The following DRICH1 variants were observed in gnomAD, a reference collection of about 807,000 sequenced individuals.
DRICH1 encodes the protein aspartate-rich protein 1.
Under a neutral mutation model 39.5 loss-of-function variants are expected in DRICH1, and 38 were observed. The observed-to-expected ratio is 0.96, with a 90% confidence interval of 0.74 to 1.26. The LOEUF is 1.26. DRICH1 is among the 50% of genes most tolerant of loss of function. The pLI, the probability that DRICH1 is intolerant of heterozygous loss-of-function variation, is 0.00. For synonymous variants in DRICH1, 84 were observed against 99.5 expected, an observed-to-expected ratio of 0.84 and a Z score of 0.93; for missense variants, 279 against 270.4, an observed-to-expected ratio of 1.03 and a Z score of -0.22.
the DRICH1 span, among the ~76,000 whole-genome samples, chr22:23,601,368 C>T: frequency 2.0e-5 from 3 of 152,184 alleles, no homozygotes; most frequent in Non-Finnish European, 4.4e-5. Context: ...GACTCCTAGT[C>T]AGCATTAAAA....
At chr22:23,619,330 C>T in intron 6 of DRICH1, 34 bp downstream of exon 6, 1 of 780,374 alleles carries the variant, frequency 1.3e-6, no homozygotes, top group South Asian at 1.3e-5. Flanking sequence ...GCATGACTAA[C>T]ACACAATACT....
chr22:23,610,817 CT>C lies in DRICH1; in HGVS notation c.686-2050del, dbSNP rs564389276. On this transcript the variant is annotated intron_variant, in intron 11 of 11. Coordinates refer to ENST00000317749, the MANE Select transcript of DRICH1 (RefSeq NM_016449.4). ...TTTCCTATCACTGTCTAAAAGCACT[CT>C]TTTTTTTTTTTACATAGTAAGACCC... 1.4e-3 allele frequency among the ~76,000 whole-genome samples: 199 copies of C among 142,752 alleles called. 1 individual carries two copies. Among genetic ancestry groups the C allele is most frequent in the Admixed American group, 1.1e-3 (16 of 14,224 alleles). The allele number at this position is 142,752 out of a possible 152,430, so 93.7% of individuals were successfully genotyped here. A position where few individuals can be genotyped will look rare whatever the true frequency, so the allele number is the denominator to read the frequency against.
At chr22:23,582,580 T>TTATTATTATTATTATTAC in the DRICH1 span, among the ~76,000 whole-genome samples, 1 of 150,646 alleles carries the variant, frequency 6.6e-6, no homozygotes, top group African/African-American at 2.4e-5. Flanking sequence ...ATTATTATTA[T>TTATTATTATTATTATTAC]TTTGAGATGG....
chr22:23,602,383 G>A, the DRICH1 span, among the ~76,000 whole-genome samples: 1 of 140,324 alleles, frequency 7.1e-6, no homozygotes, highest in African/African-American at 2.7e-5. Flanking sequence ...GCTCACCCCT[G>A]TAATCCCAGC....
the DRICH1 span, among the ~76,000 whole-genome samples, chr22:23,591,277 C>A: frequency 1.3e-5 from 2 of 152,180 alleles, no homozygotes; most frequent in Non-Finnish European, 2.9e-5. Flanking sequence ...CAGCTTGGGC[C>A]AGTCTCACAG....
rs1472705577 is a variant in DRICH1 at position 23,613,328 on chromosome 22, A to C, written c.646T>G (p.Leu216Val). ...TCATCACTTAGACTCTCCAGCGTCA[A>C]GTCTTTAGAAACAAAAACACCAGAA... is the stretch of plus-strand genomic sequence containing the variant. ...IHITARIESDLTLESLSDEEI... is the reference protein window; with the variant it reads ...IHITARIESDVTLESLSDEEI... Residue 216 changes from leucine (L) to valine (V), a missense_variant and splice_region_variant, in exon 11 of 12, where the codon TTG (leucine) becomes GTG (valine). Physicochemically the swap from Leu to Val is conservative, Grantham distance 32 (BLOSUM62 1). Transcript: ENST00000317749. 1 of 1,612,882 alleles carries C rather than the reference A, an allele frequency of 6.2e-7. No individual in the cohort carries two copies. The highest frequency in any genetic ancestry group is 2.2e-5 in the East Asian group (1 of 44,892).
In DRICH1 at chr22:23,620,582, C is replaced by G. The variant is rs1927659677; in HGVS notation, c.406+12G>C. 6.2e-7 allele frequency: 1 copy of G among 1,613,430 alleles called. No homozygotes were observed. Among genetic ancestry groups the G allele is most frequent in the Non-Finnish European group, 8.5e-7 (1 of 1,179,408 alleles). On this transcript the variant is annotated intron_variant, in intron 5 of 11. Transcript: ENST00000317749. ...TTGTTTCTCAGAAAGTGAGTTAGTT[C>G]AAGGTACATACCCTGGACACGTGAC...
the DRICH1 span, among the ~76,000 whole-genome samples, chr22:23,592,396 G>T: frequency 5.3e-5 from 8 of 152,172 alleles, no homozygotes; most frequent in Admixed American, 1.3e-4. Context: ...CAAGACTGGG[G>T]GGGGGCGGTC....
chr22:23,622,222 T>C, intron 3 of DRICH1, 46 bp from the exon 4 acceptor site: 1 of 1,560,272 alleles, frequency 6.4e-7, no homozygotes, highest in Non-Finnish European at 8.8e-7. Flanking sequence ...TGATTGTGAC[T>C]GTGAGTCACT....
chr22:23,599,288 T>C, the DRICH1 span, among the ~76,000 whole-genome samples: 1 of 152,158 alleles, frequency 6.6e-6, no homozygotes, highest in Non-Finnish European at 1.5e-5. Flanking sequence ...AGTGTGCGTG[T>C]TCACAGACCT....
intron 1 of DRICH1, among the ~76,000 whole-genome samples, chr22:23,627,175 T>C (rs9624236): frequency 0.34 from 51,300 of 150,128 alleles, 10,050 homozygotes; most frequent in African/African-American, 0.55. Context: ...CAGGTTCAGG[T>C]GATTCTCCTG....
intron 8 of DRICH1, among the ~76,000 whole-genome samples, chr22:23,616,467 G>A (rs1927353016): frequency 6.6e-6 from 1 of 152,124 alleles, no homozygotes; most frequent in Non-Finnish European, 1.5e-5. Context: ...ACCCTGCCAA[G>A]CAGCAGGTAT....
At chr22:23,617,447 C>A (rs1927427696) in intron 7 of DRICH1, 128 bp downstream of exon 7, 1 of 1,087,036 alleles carries the variant, frequency 9.2e-7, no homozygotes, top group Non-Finnish European at 1.4e-6. Flanking sequence ...TGGGCCCCCT[C>A]TCCTGGGAAA....
the DRICH1 span, chr22:23,583,785 GC>G: frequency 1.3e-5 from 2 of 152,524 alleles, no homozygotes; most frequent in African/African-American, 2.4e-5. Flanking sequence ...GTCCACTGCT[GC>G]CCCCGACCCT....
chr22:23,591,081 C>T, the DRICH1 span, among the ~76,000 whole-genome samples: 3 of 152,226 alleles, frequency 2.0e-5, no homozygotes, highest in African/African-American at 4.8e-5. Flanking sequence ...ACTCATGGCC[C>T]ACTTATTCCA....
downstream of DRICH1, among the ~76,000 whole-genome samples, chr22:23,604,518 T>C (rs527389409): frequency 2.6e-5 from 4 of 152,156 alleles, no homozygotes; most frequent in Non-Finnish European, 4.4e-5. Context: ...CTGACGCTGA[T>C]GGGGACTCCT....
chr22:23,619,723 A>AG (rs199701376), intron 5 of DRICH1, among the ~76,000 whole-genome samples: 4,797 of 152,314 alleles, frequency 0.031, 238 homozygotes, highest in African/African-American at 0.11. Flanking sequence ...ATGCTGATAG[A>AG]TGCTGAAGGT....
At chr22:23,609,928 C>T (rs1269220619) in intron 11 of DRICH1, among the ~76,000 whole-genome samples, 2 of 152,154 alleles carry the variant, frequency 1.3e-5, no homozygotes, top group South Asian at 2.1e-4. Flanking sequence ...ACCTGCTTCC[C>T]CTCCCTGGGC....
In DRICH1 at chr22:23,623,346, AGTGAGCAGAGATCACATCACT is replaced by A. The variant is rs541071746; in HGVS notation, c.299-1191_299-1171del. Among the ~76,000 whole-genome samples, 332 of 152,344 alleles carry A rather than the reference AGTGAGCAGAGATCACATCACT, an allele frequency of 2.2e-3. 1 individual carries two copies. The highest frequency in any genetic ancestry group is 7.6e-3 in the African/African-American group (318 of 41,588). On this transcript the variant is annotated intron_variant, in intron 3 of 11. Coordinates refer to ENST00000317749, the MANE Select transcript of DRICH1 (RefSeq NM_016449.4). ...CTTGCACCCAGGAGGCAGAGGTAGAAGTGAGCAGAGATCACATCACTGCACCCCAGTATGGTGACAGAGTGA... is the reference window on the plus strand; with the variant it reads ...CTTGCACCCAGGAGGCAGAGGTAGAAGCACCCCAGTATGGTGACAGAGTGA...
Sources: allele counts gnomAD v4.1 joint callset (sites outside exome capture counted in the v4.1 genomes callset), GRCh38; gene constraint gnomAD v4.1.1; transcripts MANE v1.5; gene names NCBI Gene and HGNC (gene_info 2026-07-23, HGNC 2026-07-21).